The following DSCAM variants were observed in gnomAD, a reference collection of about 807,000 sequenced individuals.
DSCAM encodes the protein DS cell adhesion molecule.
In DSCAM, 47 loss-of-function variants were observed where a neutral mutation model predicts 217.7. That is an observed-to-expected ratio of 0.22 (90% CI 0.17 to 0.28). DSCAM has a LOEUF of 0.28. Among genes scored for constraint, DSCAM ranks in the 10% least tolerant of loss-of-function variants. The pLI is 1.00. For synonymous variants in DSCAM, 1,056 were observed against 1,015.3 expected (o/e 1.04, Z -0.76); for missense variants, 2,080 against 2,618.3 (o/e 0.79, Z 4.49).
At position 40,674,776 on chromosome 21, in the gene DSCAM, G is replaced by A. The variant is rs369575146; in HGVS notation, c.508+18034C>T. 9.1e-4 allele frequency among the ~76,000 whole-genome samples: 138 copies of A among 151,992 alleles called. 2 individuals are homozygous for A. Among genetic ancestry groups the A allele is most frequent in the Admixed American group, 1.2e-3 (19 of 15,270 alleles). ...GCCTCCCGGGTAGTTGGGACTACAG[G>A]CGCCTGCCACCACGCCCGGCTAATC... On this transcript the variant is annotated intron_variant, in intron 3 of 32. Transcript: ENST00000400454.
At chr21:40,406,580 A>G (rs1218469077) in intron 3 of DSCAM, among the ~76,000 whole-genome samples, 2 of 152,066 alleles carry the variant, frequency 1.3e-5, no homozygotes, top group African/African-American at 4.8e-5. Flanking sequence ...ACTCATATGT[A>G]AAACGTTTTT....
rs2076249616 is a variant in DSCAM, at chr21:40,510,455, AGGTTTGATAAT to A, written c.509-141221_509-141211del. 3.9e-5 allele frequency among the ~76,000 whole-genome samples: 6 copies of A among 152,326 alleles called. No homozygotes were observed. The South Asian group carries it at 1.2e-3, about 32-fold the overall frequency. On this transcript the variant is annotated intron_variant, in intron 3 of 32. Coordinates refer to ENST00000400454, the MANE Select transcript of DSCAM (RefSeq NM_001389.5). ...TTGTTGACCAAAATTAAGACTGTTGAGGTTTGATAATGGTTTGATAAACATTTGTTCGAAAT... is the reference window on the plus strand; with the variant it reads ...TTGTTGACCAAAATTAAGACTGTTGAGGTTTGATAAACATTTGTTCGAAAT...
intron 3 of DSCAM, among the ~76,000 whole-genome samples, chr21:40,461,552 G>C (rs923062975): frequency 1.3e-5 from 2 of 152,130 alleles, no homozygotes; most frequent in South Asian, 4.1e-4. Flanking sequence ...GGTCTGGGGG[G>C]AGGCAGGTGT....
At chr21:40,183,866 A>G (rs548229531) in intron 14 of DSCAM, among the ~76,000 whole-genome samples, 4 of 152,246 alleles carry the variant, frequency 2.6e-5, no homozygotes, top group Admixed American at 6.5e-5. Context: ...TTTTGGGGGG[A>G]TAATTTCACC....
intron 8 of DSCAM, among the ~76,000 whole-genome samples, chr21:40,326,746 G>T (rs2074321503): frequency 6.6e-6 from 1 of 152,050 alleles, no homozygotes; most frequent in African/African-American, 2.4e-5. Context: ...TGCAGGAAGA[G>T]TCTAGAAAAA....
intron 3 of DSCAM, among the ~76,000 whole-genome samples, chr21:40,668,996 C>A (rs1427469091): frequency 6.6e-6 from 1 of 152,196 alleles, no homozygotes; most frequent in Non-Finnish European, 1.5e-5. Flanking sequence ...CACACACACA[C>A]ACCAGATAAT....
chr21:40,352,050 A>AT (rs954109618), intron 5 of DSCAM, among the ~76,000 whole-genome samples: 4 of 152,080 alleles, frequency 2.6e-5, no homozygotes, highest in Non-Finnish European at 4.4e-5. Flanking sequence ...TGAGGTTGCA[A>AT]TTTTTTTTGA....
intron 3 of DSCAM, among the ~76,000 whole-genome samples, chr21:40,680,098 A>T (rs576732207): frequency 6.1e-4 from 93 of 152,346 alleles, no homozygotes; most frequent in South Asian, 2.3e-3. Context: ...TTTAATTCTT[A>T]TAACAATCTT....
intron 3 of DSCAM, among the ~76,000 whole-genome samples, chr21:40,402,049 CTTTTTTTTTT>C (rs71186933): frequency 1.6e-3 from 91 of 58,274 alleles, no homozygotes; most frequent in African/African-American, 4.1e-3. Context: ...ATTCTTATTC[CTTTTTTTTTT>C]TTTTTTTTTT....
chr21:40,192,337 G>A (rs1389499658), intron 11 of DSCAM, among the ~76,000 whole-genome samples: 1 of 152,130 alleles, frequency 6.6e-6, no homozygotes, highest in Non-Finnish European at 1.5e-5. Context: ...GAGGCCTGGT[G>A]GGAGATAATT....
intron 24 of DSCAM, among the ~76,000 whole-genome samples, chr21:40,083,643 T>A (rs1218721864): frequency 6.6e-6 from 1 of 152,242 alleles, no homozygotes; most frequent in African/African-American, 2.4e-5. Flanking sequence ...AAAAGAGATA[T>A]CCAAATTTCT....
intron 1 of DSCAM, among the ~76,000 whole-genome samples, chr21:40,759,623 C>T (rs1268844925): frequency 6.6e-6 from 1 of 152,128 alleles, no homozygotes; most frequent in Non-Finnish European, 1.5e-5. Context: ...CTCTTCTGTG[C>T]TGCCCTCAGT....
At position 40,293,377 on chromosome 21, in the gene DSCAM, T is replaced by C. The variant is rs1003512273; in HGVS notation, c.2182+2678A>G. 1.2e-4 allele frequency among the ~76,000 whole-genome samples: 19 copies of C among 152,208 alleles called. 1 individual carries two copies. Among genetic ancestry groups the C allele is most frequent in the Middle Eastern group, 3.4e-3 (1 of 294 alleles). On this transcript the variant is annotated intron_variant, in intron 10 of 32. Transcript: ENST00000400454. Reference sequence around the variant, plus strand: ...TAGCTTGGTGGCCATCGTTTGAGGATGAAGAATGCTGCTAGGAGAGGCAGA... The same window carrying C: ...TAGCTTGGTGGCCATCGTTTGAGGACGAAGAATGCTGCTAGGAGAGGCAGA...
intron 1 of DSCAM, among the ~76,000 whole-genome samples, chr21:40,720,120 G>A (rs773272613): frequency 5.9e-5 from 9 of 152,116 alleles, no homozygotes; most frequent in African/African-American, 1.2e-4. Context: ...ACAGGCTATC[G>A]AATTTGCAAA....
At chr21:40,059,783 G>C (rs1480165712) in intron 28 of DSCAM, among the ~76,000 whole-genome samples, 1 of 152,182 alleles carries the variant, frequency 6.6e-6, no homozygotes, top group Admixed American at 6.5e-5. Flanking sequence ...ATGGGGCCTA[G>C]AGCACAGACT....
chr21:40,055,914 C>A lies in DSCAM; in HGVS notation c.4920-74G>T, dbSNP rs533763779. 6.4e-5 allele frequency: 70 copies of A among 1,095,656 alleles called. 1 individual carries two copies. In the African/African-American group the frequency reaches 9.6e-4, roughly 15 times the overall value. 67.9% of individuals were successfully genotyped at this position (1,095,656 alleles called of 1,614,324 possible). On this transcript the variant is annotated intron_variant, in intron 28 of 32. Transcript: ENST00000400454. Reference sequence around the variant, plus strand: ...CATTCTACCAACATGCACCTGTATACCAACTTAGTTTATTGTCTAAATATA... The same window carrying A: ...CATTCTACCAACATGCACCTGTATAACAACTTAGTTTATTGTCTAAATATA...
chr21:40,609,679 T>C lies in DSCAM; in HGVS notation c.508+83131A>G, dbSNP rs751008516. ...TGACTCAGGAAGGGGAGAGCATTGT[T>C]AGGACTGAATTGTTGGGGAAGATGG... On this transcript the variant is annotated intron_variant, in intron 3 of 32. Transcript: ENST00000400454. 7.2e-5 allele frequency among the ~76,000 whole-genome samples: 11 copies of C among 152,288 alleles called. 1 individual carries two copies. Among genetic ancestry groups the C allele is most frequent in the Middle Eastern group, 3.4e-3 (1 of 294 alleles).
At chr21:40,121,372 T>A (rs2090031459) in intron 20 of DSCAM, among the ~76,000 whole-genome samples, 1 of 152,238 alleles carries the variant, frequency 6.6e-6, no homozygotes, top group Non-Finnish European at 1.5e-5. Context: ...TGACTCTCAC[T>A]GATACTATTT....
chr21:40,541,510 T>G (rs1162769215), intron 3 of DSCAM, among the ~76,000 whole-genome samples: 1 of 152,258 alleles, frequency 6.6e-6, no homozygotes, highest in Non-Finnish European at 1.5e-5. Flanking sequence ...TTTAGTTTAC[T>G]TCATAAATTG....
Sources: allele counts gnomAD v4.1 joint callset (sites outside exome capture counted in the v4.1 genomes callset), GRCh38; gene constraint gnomAD v4.1.1; transcripts MANE v1.5; gene names NCBI Gene and HGNC (gene_info 2026-07-23, HGNC 2026-07-21).